The following BICD1 variants were observed in gnomAD, a reference collection of about 807,000 sequenced individuals.
BICD1 encodes protein bicaudal D homolog 1.
A neutral mutation model predicts 92.5 loss-of-function variants in BICD1; 35 were observed. The ratio of observed to expected loss-of-function variants is 0.38; its 90% confidence interval spans 0.29 to 0.50. BICD1 has a LOEUF of 0.50. Among genes scored for constraint, BICD1 ranks in the 20% least tolerant of loss-of-function variants. BICD1 has a pLI of 0.93. For synonymous variants in BICD1, 429 were observed against 465.1 expected, an observed-to-expected ratio of 0.92 and a Z score of 1.00; for missense variants, 950 against 1,189.8, an observed-to-expected ratio of 0.80 and a Z score of 2.97.
chr12:32,142,468 A>ATCTATCTATCTATCGG (rs1555134326), intron 1 of BICD1, among the ~76,000 whole-genome samples: 26 of 117,052 alleles, frequency 2.2e-4, no homozygotes, highest in East Asian at 9.8e-4. Context: ...CTATCTATCT[A>ATCTATCTATCTATCGG]TCTATCTATC....
In BICD1 at chr12:32,235,716, T is replaced by TG. The variant is rs1190514947; in HGVS notation, c.426+19257_426+19258insG. ...CTTTTTCTTTTCTTTTTTTTTTTTT[T>TG]TTTAGACAGAGTCTCGATCAGCCAC... On this transcript the variant is annotated intron_variant, in intron 2 of 9. Transcript: ENST00000652176. Among the ~76,000 whole-genome samples, 46 of 151,402 alleles carry TG rather than the reference T, an allele frequency of 3.0e-4. No homozygotes were observed. In the East Asian group the frequency reaches 8.7e-3, roughly 29 times the overall value.
At chr12:32,153,311 C>T (rs1943343328) in intron 1 of BICD1, among the ~76,000 whole-genome samples, 1 of 152,112 alleles carries the variant, frequency 6.6e-6, no homozygotes, top group South Asian at 2.1e-4. Context: ...TTATCCAAGC[C>T]ACTGTTGATG....
chr12:32,332,673 C>T (rs2136272653), intron 5 of BICD1: 1 of 295,378 alleles, frequency 3.4e-6, no homozygotes, highest in East Asian at 1.7e-4. Flanking sequence ...ACTAAGGTTT[C>T]CTAGAGGAGC....
intron 1 of BICD1, among the ~76,000 whole-genome samples, chr12:32,162,800 T>C (rs1252871785): frequency 2.0e-5 from 3 of 152,014 alleles, no homozygotes; most frequent in African/African-American, 4.8e-5. Flanking sequence ...CTGGGCAACA[T>C]AGCAAGACCT....
intron 2 of BICD1, among the ~76,000 whole-genome samples, chr12:32,232,177 G>A (rs373828435): frequency 1.3e-5 from 2 of 148,716 alleles, no homozygotes; most frequent in Admixed American, 1.4e-4. Context: ...ACTTCCACAA[G>A]GGTTGAACTA....
At chr12:32,327,315 A>G in intron 4 of BICD1, 146 bp from the exon 5 acceptor site, 1 of 1,031,448 alleles carries the variant, frequency 9.7e-7, no homozygotes, top group African/African-American at 1.6e-5. Flanking sequence ...TGCTGAAATA[A>G]AAAACACTCC....
chr12:32,267,732 G>C (rs1162834258), intron 2 of BICD1, among the ~76,000 whole-genome samples: 5 of 152,024 alleles, frequency 3.3e-5, no homozygotes, highest in African/African-American at 1.2e-4. Flanking sequence ...CATTTTTGTT[G>C]TTAATTAACT....
At chr12:32,269,042 TGA>T (rs1224877248) in intron 2 of BICD1, among the ~76,000 whole-genome samples, 1 of 152,172 alleles carries the variant, frequency 6.6e-6, no homozygotes, top group Non-Finnish European at 1.5e-5. Flanking sequence ...GGATGGGACT[TGA>T]GAATTTGCTT....
chr12:32,215,720 C>T (rs1452171115), intron 1 of BICD1, among the ~76,000 whole-genome samples: 1 of 151,906 alleles, frequency 6.6e-6, no homozygotes, highest in Admixed American at 6.6e-5. Flanking sequence ...GAGGCTGAGA[C>T]GGGCGGATCA....
chr12:32,264,640 A>C (rs1394350427), intron 2 of BICD1, among the ~76,000 whole-genome samples: 2 of 152,078 alleles, frequency 1.3e-5, no homozygotes, highest in Non-Finnish European at 2.9e-5. Flanking sequence ...GGCACGTGCC[A>C]CCACACCCTC....
intron 2 of BICD1, among the ~76,000 whole-genome samples, chr12:32,232,435 G>T (rs1231376218): frequency 6.6e-6 from 1 of 151,890 alleles, no homozygotes; most frequent in Admixed American, 6.6e-5. Context: ...TGATGGGGTT[G>T]TTTGTTTTTT....
intron 3 of BICD1, among the ~76,000 whole-genome samples, chr12:32,295,686 C>G (rs887744822): frequency 3.4e-5 from 5 of 146,604 alleles, no homozygotes; most frequent in Non-Finnish European, 7.4e-5. Context: ...CAGAGTCTTG[C>G]TGTGTTGCCC....
chr12:32,344,316 A>G (rs1448553482), intron 8 of BICD1, among the ~76,000 whole-genome samples: 1 of 152,176 alleles, frequency 6.6e-6, no homozygotes. Context: ...CAGCACTACA[A>G]CCTGGTGCAG....
At chr12:32,112,846 A>G (rs1941749175) in intron 1 of BICD1, among the ~76,000 whole-genome samples, 1 of 152,204 alleles carries the variant, frequency 6.6e-6, no homozygotes, top group South Asian at 2.1e-4. Flanking sequence ...ATAAGAAGAT[A>G]ATAAAAATAA....
At position 32,161,938 on chromosome 12, in the gene BICD1, A is replaced by G. The variant is rs79512627; in HGVS notation, c.214-54309A>G. ...TTAGAGTTATACCAACACTGCCATA[A>G]TAAAAAAAAGCTGTCAAGATCAGGA... On this transcript the variant is annotated intron_variant, in intron 1 of 9. Coordinates refer to ENST00000652176, the MANE Select transcript of BICD1 (RefSeq NM_001714.4). Among the ~76,000 whole-genome samples, 11 of 152,310 alleles carry G rather than the reference A, an allele frequency of 7.2e-5. No homozygotes were observed. The East Asian group carries it at 2.1e-3, about 29-fold the overall frequency.
chr12:32,287,503 C>T (rs952372912), intron 2 of BICD1, among the ~76,000 whole-genome samples: 1 of 150,326 alleles, frequency 6.7e-6, no homozygotes, highest in Non-Finnish European at 1.5e-5. Flanking sequence ...TGTTGGTCAG[C>T]AATTTGGGCT....
At chr12:32,129,186 C>T (rs1942449032) in intron 1 of BICD1, among the ~76,000 whole-genome samples, 1 of 151,580 alleles carries the variant, frequency 6.6e-6, no homozygotes, top group Non-Finnish European at 1.5e-5. Flanking sequence ...CCGCCTGCCT[C>T]AGCTCCCCAA....
chr12:32,121,415 A>G (rs1942145103), intron 1 of BICD1, among the ~76,000 whole-genome samples: 1 of 151,706 alleles, frequency 6.6e-6, no homozygotes, highest in African/African-American at 2.4e-5. Flanking sequence ...CAACATGGTG[A>G]AACCCTCTCT....
intron 2 of BICD1, among the ~76,000 whole-genome samples, chr12:32,286,998 G>A (rs957504404): frequency 6.6e-6 from 1 of 152,146 alleles, no homozygotes; most frequent in African/African-American, 2.4e-5. Flanking sequence ...TGATGGGTGA[G>A]TGGAGGGCGA....
Sources: gnomAD v4.1 joint callset for allele counts (sites outside exome capture counted in the v4.1 genomes callset) on GRCh38, gnomAD v4.1.1 for gene constraint, MANE v1.5 for transcripts, NCBI Gene and HGNC (gene_info 2026-07-23, HGNC 2026-07-21) for gene names.